Variants in OTP observed in about 807,000 individuals in gnomAD.
The protein encoded by OTP is homeobox protein orthopedia.
In OTP, 5 loss-of-function variants were observed where a neutral mutation model predicts 22.3. The observed-to-expected ratio is 0.22, with a 90% confidence interval of 0.12 to 0.47. OTP has a LOEUF of 0.47. Ranked by LOEUF, OTP falls within the 20% of genes least tolerant of loss-of-function variation. OTP has a pLI of 0.99. For synonymous variants in OTP, 229 were observed against 210.6 expected (o/e 1.09, Z -0.76); for missense variants, 428 against 456.2 (o/e 0.94, Z 0.56).
chr5:77,638,628 A>G lies in OTP; in HGVS notation c.-79T>C. On this transcript the variant is annotated 5_prime_UTR_variant, in exon 1 of 3. Coordinates refer to ENST00000306422, the MANE Select transcript of OTP (RefSeq NM_032109.3). ...GTTATTTAAAATAGATATAAGCTAT[A>G]AGCTATACGATATAGATATATATAG... The G allele has an allele frequency of 7.4e-7, 1 of 1,342,996 alleles. No individual in the cohort carries two copies. The allele number at this position is 1,342,996 out of a possible 1,614,324, so 83.2% of individuals were successfully genotyped here.
chr5:77,632,093 A>G (rs1290373522), intron 2 of OTP, among the ~76,000 whole-genome samples: 1 of 127,746 alleles, frequency 7.8e-6, no homozygotes, highest in Non-Finnish European at 1.6e-5. Context: ...CCAAATGAAA[A>G]CAGCCTTCCT....
Position 77,628,979 on chromosome 5 carries a change from C to T in OTP, c.*1285G>A, listed in dbSNP as rs1258335414. 2.6e-5 allele frequency: 4 copies of T among 152,664 alleles called. No individual in the cohort carries two copies. The highest frequency in any genetic ancestry group is 4.4e-5 in the Non-Finnish European group (3 of 68,038). The allele number at this position is 152,664 out of a possible 1,614,324, so 9.5% of individuals were successfully genotyped here. ...TCTCTGGGTTTGGATTTGACCAGCA[C>T]ATGCAGAAAGAGCTGATTGTGTTTC... On this transcript the variant is annotated 3_prime_UTR_variant, in exon 3 of 3. Coordinates refer to ENST00000306422, the MANE Select transcript of OTP (RefSeq NM_032109.3).
rs1744899008 is a variant in OTP, at chr5:77,630,019, A to C, written c.*245T>G. 1.5e-4 allele frequency: 33 copies of C among 222,284 alleles called. No homozygotes were observed. Among genetic ancestry groups the C allele is most frequent in the Non-Finnish European group, 1.8e-4 (21 of 116,100 alleles). 13.8% of individuals were successfully genotyped at this position (222,284 alleles called of 1,614,324 possible). A position where few individuals can be genotyped will look rare whatever the true frequency, so the allele number is the denominator to read the frequency against. ...GAGCCGAGGGCGCAGCTGGGTGGGA[A>C]GGGAAGAGGGGCGGCCGGGAGACGG... On this transcript the variant is annotated 3_prime_UTR_variant, in exon 3 of 3. Coordinates refer to ENST00000306422, the MANE Select transcript of OTP (RefSeq NM_032109.3).
chr5:77,636,909 T>G lies in OTP; in HGVS notation c.359A>C (p.Glu120Ala). 6.2e-7 allele frequency: 1 copy of G among 1,614,192 alleles called. No individual in the cohort carries two copies. The highest frequency in any genetic ancestry group is 8.5e-7 in the Non-Finnish European group (1 of 1,180,018). The change falls in exon 2 of 3, where the codon GAG becomes GCG. Residue 120 changes from glutamate (E) to alanine (A), a missense_variant. By Grantham distance (107) the Glu-to-Ala change is moderately radical. Around this residue, in one of 3 missense-constraint regions of OTP, gnomAD observed 176 missense variants for 162.9 expected, o/e 1.08. Transcript: ENST00000306422. ...RFTPAQLNEL[E>A]RSFAKTHYPD... ...GTAGTGAGTCTTGGCGAAGCTCCTC[T>G]CCAACTCGTTGAGCTGTGCGGGGGT...
chr5:77,637,264 C>G (rs1318927671), intron 1 of OTP, 34 bp from the exon 2 acceptor site: 15 of 1,462,060 alleles, frequency 1.0e-5, no homozygotes, highest in African/African-American at 1.4e-5. Context: ...TCACTACTTT[C>G]TTGGCGATGC....
intron 1 of OTP, among the ~76,000 whole-genome samples, chr5:77,638,229 C>T (rs529906801): frequency 7.8e-6 from 1 of 128,778 alleles, no homozygotes; most frequent in South Asian, 2.4e-4. Context: ...AACAAATTAT[C>T]ACGGGGTATA....
chr5:77,630,387 G>T lies in OTP; in HGVS notation c.855C>A (p.Ser285Arg). The T allele has an allele frequency of 3.8e-6, 6 of 1,579,748 alleles. No homozygotes were observed. Among genetic ancestry groups the T allele is most frequent in the Non-Finnish European group, 4.3e-6 (5 of 1,166,460 alleles). Residue 285 changes from serine to arginine, a missense_variant, in exon 3 of 3, where the codon AGC (serine) becomes AGA (arginine). Ser to Arg is a moderately radical substitution (Grantham distance 110, BLOSUM62 -1). This residue lies in a region of OTP where 236 missense variants were observed against 238.1 expected (regional missense o/e 0.99). Coordinates refer to ENST00000306422, the MANE Select transcript of OTP (RefSeq NM_032109.3). ...AGAGCTGGGGCGAACCGGAGACGTT[G>T]CTGGGGCCGGGGAGGGAGGCGGGCA... ...GMVPASLPGP[S>R]NVSGSPQLCS... is the part of the protein sequence containing the mutation.
chr5:77,638,484 G>C (rs1307218033), intron 1 of OTP, 29 bp downstream of exon 1: 2 of 1,564,598 alleles, frequency 1.3e-6, no homozygotes, highest in African/African-American at 1.4e-5. Flanking sequence ...GGCTTCTCCT[G>C]GCTGCCCGGG....
intron 2 of OTP, chr5:77,636,192 G>A (rs1274952493): frequency 6.6e-6 from 1 of 152,132 alleles, no homozygotes; most frequent in Non-Finnish European, 1.5e-5. Flanking sequence ...GGGGCTCACC[G>A]GCTTTGGGAA....
In OTP at chr5:77,638,552, C is replaced by A; in HGVS notation, c.-3G>T. On this transcript the variant is annotated 5_prime_UTR_variant, in exon 1 of 3. Coordinates refer to ENST00000306422, the MANE Select transcript of OTP (RefSeq NM_032109.3). ...AGGAGGTCGGCATGAGACAGCATCG[C>A]GCACCGCTCCAGGGCGAAAGCTGTT... The A allele has an allele frequency of 4.5e-6, 7 of 1,567,868 alleles. No homozygotes were observed. The highest frequency in any genetic ancestry group is 1.2e-5 in the South Asian group (1 of 82,456).
rs1744915437 is a variant in OTP, at chr5:77,630,692, A to G, written c.550T>C (p.Phe184Leu). Residue 184 changes from phenylalanine to leucine, a missense_variant, in exon 3 of 3, where the codon TTC becomes CTC. Transcript: ENST00000306422. ...GCAGCGGCGGCGGCAGCCGACGGGA[A>G]CTGAGGCAGGCCTGGCGTGGGCAGC... ...TLLPTPGLPQ[F>L]PSAAAAAAAA... 1 of 1,582,982 alleles carries G rather than the reference A, an allele frequency of 6.3e-7. No individual in the cohort carries two copies. Among genetic ancestry groups the G allele is most frequent in the Non-Finnish European group, 8.5e-7 (1 of 1,172,646 alleles).
At position 77,638,566 on chromosome 5, in the gene OTP, G is replaced by C; in HGVS notation, c.-17C>G. ...AGACAGCATCGCGCACCGCTCCAGG[G>C]CGAAAGCTGTTCCCCCCCAAATTTT... On this transcript the variant is annotated 5_prime_UTR_variant, in exon 1 of 3. Transcript: ENST00000306422. 1 of 1,555,102 alleles carries C rather than the reference G, an allele frequency of 6.4e-7. No homozygotes were observed. The highest frequency in any genetic ancestry group is 1.2e-5 in the South Asian group (1 of 81,024).
intron 2 of OTP, among the ~76,000 whole-genome samples, chr5:77,634,062 A>T (rs1744971594): frequency 6.6e-6 from 1 of 152,236 alleles, no homozygotes; most frequent in South Asian, 2.1e-4. Context: ...GGACACGGTC[A>T]ATGGAATTAC....
rs1330558757 is a variant in OTP at position 77,630,070 on chromosome 5, C to A, written c.*194G>T. ...GGGACCGCGGGCGATCGAAATCAGG[C>A]GGAGGGGAGGCCTCGCGGGCTGGGG... On this transcript the variant is annotated 3_prime_UTR_variant, in exon 3 of 3. Coordinates refer to ENST00000306422, the MANE Select transcript of OTP (RefSeq NM_032109.3). The A allele has an allele frequency of 7.3e-6, 2 of 273,564 alleles. No homozygotes were observed. Among genetic ancestry groups the A allele is most frequent in the East Asian group, 7.1e-5 (1 of 14,170 alleles). The allele number at this position is 273,564 out of a possible 1,614,324, so 16.9% of individuals were successfully genotyped here.
intron 2 of OTP, among the ~76,000 whole-genome samples, chr5:77,632,163 A>AG (rs1489818479): frequency 6.6e-6 from 1 of 151,708 alleles, no homozygotes; most frequent in African/African-American, 2.4e-5. Context: ...AAATTTGCCT[A>AG]GGCATGTCAA....
rs757104012 is a variant in OTP, at chr5:77,637,136, G to T, written c.132C>A (p.Asp44Glu). ...GGSDPGGHPG[D>E]LAPNSDPVEG... ...CCACTGGGTCAGAGTTGGGCGCCAG[G>T]TCCCCCGGATGGCCCCCGGGGTCGG... is the stretch of plus-strand genomic sequence containing the variant. The change falls in exon 2 of 3, where the codon GAC becomes GAA. Residue 44 changes from aspartate to glutamate, a missense_variant. Asp to Glu is a conservative substitution (Grantham distance 45). This residue lies in a region of OTP where 176 missense variants were observed against 162.9 expected (regional missense o/e 1.08). Coordinates refer to ENST00000306422, the MANE Select transcript of OTP (RefSeq NM_032109.3). 12 of 1,603,446 alleles carry T rather than the reference G, an allele frequency of 7.5e-6. No individual in the cohort carries two copies. In the Admixed American group the frequency reaches 2.1e-4, roughly 28 times the overall value.
intron 2 of OTP, among the ~76,000 whole-genome samples, chr5:77,632,477 A>G (rs892146991): frequency 6.6e-6 from 1 of 151,924 alleles, no homozygotes; most frequent in Admixed American, 6.6e-5. Context: ...AATCTAACCT[A>G]TTTAGTGTTT....
chr5:77,630,961 T>A (rs1744920384), intron 2 of OTP, among the ~76,000 whole-genome samples, 167 bp from the exon 3 acceptor site: 1 of 152,148 alleles, frequency 6.6e-6, no homozygotes, highest in Admixed American at 6.5e-5. Context: ...AGACTGTGGC[T>A]CCCCACCAAC....
chr5:77,635,239 A>G (rs760863349), intron 2 of OTP, among the ~76,000 whole-genome samples: 7 of 152,216 alleles, frequency 4.6e-5, no homozygotes, highest in Non-Finnish European at 1.0e-4. Context: ...AACCTGCAAA[A>G]TTGAACCTAC....
Sources: allele counts gnomAD v4.1 joint callset (sites outside exome capture counted in the v4.1 genomes callset), GRCh38; gene constraint gnomAD v4.1.1; regional missense constraint gnomAD v4.1.1; transcripts MANE v1.5; gene names NCBI Gene and HGNC (gene_info 2026-07-23, HGNC 2026-07-21).